The following P2RY12 variants were observed in gnomAD, a reference collection of about 807,000 sequenced individuals.
P2RY12 encodes purinergic receptor P2Y12.
P2RY12 carries 3 observed loss-of-function variants against 4.5 expected under a neutral mutation model. That is an observed-to-expected ratio of 0.67 (90% CI 0.31 to 1.74). The LOEUF is 1.74. Ranked by LOEUF, P2RY12 falls within the 40% of genes most tolerant of loss-of-function variation. The pLI is 0.09. For missense variants in P2RY12, 356 were observed against 407.8 expected, an observed-to-expected ratio of 0.87 and a Z score of 1.09; for synonymous variants, 148 against 154.1, an observed-to-expected ratio of 0.96 and a Z score of 0.29.
chr3:151,337,659 T>C lies in P2RY12; in HGVS notation c.*158A>G. ...TATATTTTAAGATAGCTTTTCATAC[T>C]GGAAAGGTAAATGAAAATTGCTTTT... On this transcript the variant is annotated 3_prime_UTR_variant, in exon 3 of 3. Coordinates refer to ENST00000302632, the MANE Select transcript of P2RY12 (RefSeq NM_022788.5). 2 of 709,010 alleles carry C rather than the reference T, an allele frequency of 2.8e-6. No homozygotes were observed. The highest frequency in any genetic ancestry group is 2.3e-6 in the Non-Finnish European group (1 of 435,340). The allele number at this position is 709,010 out of a possible 1,614,324, so 43.9% of individuals were successfully genotyped here.
chr3:151,383,548 A>G (rs1712778558), intron 1 of P2RY12, among the ~76,000 whole-genome samples: 1 of 152,216 alleles, frequency 6.6e-6, no homozygotes. Flanking sequence ...CCACATTCAG[A>G]TACTCACGTC....
intron 1 of P2RY12, chr3:151,367,628 T>C: frequency 6.3e-7 from 1 of 1,596,022 alleles, no homozygotes; most frequent in Non-Finnish European, 8.6e-7. Context: ...TTAAAACCTG[T>C]CAATGTTTTT....
chr3:151,376,893 C>G, intron 1 of P2RY12: 1 of 1,613,130 alleles, frequency 6.2e-7, no homozygotes, highest in Non-Finnish European at 8.5e-7. Flanking sequence ...ATATTGAAAG[C>G]TTATCTCTGT....
intron 1 of P2RY12, among the ~76,000 whole-genome samples, chr3:151,353,456 A>G (rs1195376808): frequency 6.6e-6 from 1 of 152,222 alleles, no homozygotes; most frequent in African/African-American, 2.4e-5. Flanking sequence ...TCTTTGCATT[A>G]TATTTGGTGT....
intron 1 of P2RY12, among the ~76,000 whole-genome samples, chr3:151,341,175 C>T (rs9848789): frequency 0.11 from 16,869 of 152,090 alleles, 1,230 homozygotes; most frequent in Middle Eastern, 0.17. Flanking sequence ...ACTCAAAATG[C>T]GTGCTGGCTA....
chr3:151,369,866 A>T (rs1755969198), intron 1 of P2RY12, among the ~76,000 whole-genome samples: 2 of 152,250 alleles, frequency 1.3e-5, no homozygotes, highest in Admixed American at 6.5e-5. Flanking sequence ...CAGAAATCAC[A>T]CTTTGTGAGA....
chr3:151,360,770 A>G (rs1382218340), intron 1 of P2RY12, among the ~76,000 whole-genome samples: 2 of 152,158 alleles, frequency 1.3e-5, no homozygotes, highest in Admixed American at 6.6e-5. Flanking sequence ...ATATTAAAAT[A>G]GACAGGGACA....
At chr3:151,384,033 A>G in intron 1 of P2RY12, 1 of 1,561,886 alleles carries the variant, frequency 6.4e-7, no homozygotes, top group Non-Finnish European at 8.7e-7. Flanking sequence ...CAGTTAAATA[A>G]GTGTATTTCA....
intron 1 of P2RY12, among the ~76,000 whole-genome samples, chr3:151,346,263 C>G (rs1055533273): frequency 1.3e-5 from 2 of 152,110 alleles, no homozygotes; most frequent in African/African-American, 4.8e-5. Flanking sequence ...TCTCTTATAT[C>G]CTTTATCATC....
chr3:151,365,851 A>C (rs1020451625), intron 1 of P2RY12: 1 of 1,608,370 alleles, frequency 6.2e-7, no homozygotes, highest in Non-Finnish European at 8.5e-7. Flanking sequence ...CTTTTCTAGG[A>C]TTAACGACAT....
intron 1 of P2RY12, chr3:151,349,981 GT>G: frequency 7.1e-7 from 1 of 1,400,194 alleles, no homozygotes; most frequent in Non-Finnish European, 9.8e-7. Context: ...AGGTGCTGTG[GT>G]CAGTGCATTT....
chr3:151,354,347 T>A (rs1019852022), intron 1 of P2RY12, among the ~76,000 whole-genome samples: 23 of 152,168 alleles, frequency 1.5e-4, no homozygotes, highest in Admixed American at 4.6e-4. Flanking sequence ...TTATTTTTTT[T>A]AATTGGAATT....
chr3:151,369,372 T>C (rs1180893678), intron 1 of P2RY12: 11 of 1,176,918 alleles, frequency 9.3e-6, no homozygotes, highest in Non-Finnish European at 1.3e-5. Context: ...TGACTGCCTG[T>C]AAATAATTAC....
intron 1 of P2RY12, among the ~76,000 whole-genome samples, chr3:151,383,522 C>G (rs1712773841): frequency 6.6e-6 from 1 of 152,156 alleles, no homozygotes; most frequent in Admixed American, 6.5e-5. Flanking sequence ...CAAAAGAAAG[C>G]TAAGTTTATT....
At chr3:151,384,163 C>A (rs746267820) in intron 1 of P2RY12, 1 of 1,613,948 alleles carries the variant, frequency 6.2e-7, no homozygotes, top group South Asian at 1.1e-5. Context: ...AATGCATCCC[C>A]TGGGGGATCT....
intron 1 of P2RY12, among the ~76,000 whole-genome samples, chr3:151,359,371 T>G (rs1293357947): frequency 1.3e-5 from 2 of 152,210 alleles, no homozygotes; most frequent in African/African-American, 4.8e-5. Context: ...TGGCAGCTTT[T>G]ACCTGCTGCT....
chr3:151,383,841 A>G (rs1230095640), intron 1 of P2RY12: 4 of 1,613,806 alleles, frequency 2.5e-6, no homozygotes, highest in Non-Finnish European at 3.4e-6. Context: ...GGGCCCTGCT[A>G]CTCCTTCAGA....
intron 1 of P2RY12, among the ~76,000 whole-genome samples, chr3:151,379,477 A>G (rs961707053): frequency 1.3e-5 from 2 of 152,228 alleles, no homozygotes; most frequent in Admixed American, 6.5e-5. Context: ...TTTTTAACCA[A>G]ATGCCTTGAC....
intron 1 of P2RY12, chr3:151,364,842 T>A (rs3732762): frequency 0.73 from 465,413 of 633,676 alleles, 173,124 homozygotes; most frequent in African/African-American, 0.89. Flanking sequence ...TAAGAAGTTC[T>A]AATTAAGAAC....
Sources: gnomAD v4.1 joint callset for allele counts (sites outside exome capture counted in the v4.1 genomes callset) on GRCh38, gnomAD v4.1.1 for gene constraint, MANE v1.5 for transcripts, NCBI Gene and HGNC (gene_info 2026-07-23, HGNC 2026-07-21) for gene names.